Variants in NOL4L observed in about 807,000 individuals in gnomAD.
NOL4L encodes the protein nucleolar protein 4-like.
NOL4L carries 7 observed loss-of-function variants against 64.5 expected under a neutral mutation model. That is an observed-to-expected ratio of 0.11 (90% CI 0.06 to 0.20). The LOEUF (loss-of-function observed/expected upper bound fraction) is 0.20. Among genes scored for constraint, NOL4L ranks in the 10% least tolerant of loss-of-function variants. The pLI is 1.00. For missense variants in NOL4L, 680 were observed against 967.1 expected (o/e 0.70, Z 3.94); for synonymous variants, 413 against 401.0 (o/e 1.03, Z -0.36).
chr20:32,475,977 G>A (rs1334122889), intron 4 of NOL4L, among the ~76,000 whole-genome samples: 3 of 152,102 alleles, frequency 2.0e-5, no homozygotes, highest in Non-Finnish European at 4.4e-5. Context: ...ACCCTCTGCT[G>A]AATCCAGAGG....
At chr20:32,541,866 G>A (rs1260990913) in intron 1 of NOL4L, among the ~76,000 whole-genome samples, 1 of 152,238 alleles carries the variant, frequency 6.6e-6, no homozygotes, top group Non-Finnish European at 1.5e-5. Flanking sequence ...TTTTCAATGG[G>A]GGTTTTGTCC....
At chr20:32,544,358 C>T (rs987260685) in intron 1 of NOL4L, among the ~76,000 whole-genome samples, 15 of 151,532 alleles carry the variant, frequency 9.9e-5, no homozygotes, top group Admixed American at 2.0e-4. Context: ...GCCTTTGAGG[C>T]GTGGTGAGGG....
intron 3 of NOL4L, among the ~76,000 whole-genome samples, chr20:32,512,007 T>C (rs2017427473): frequency 6.6e-6 from 1 of 151,906 alleles, no homozygotes; most frequent in Non-Finnish European, 1.5e-5. Context: ...AGTGAGAATC[T>C]ATCTCTAAAA....
chr20:32,477,321 C>T (rs139715422), intron 4 of NOL4L, among the ~76,000 whole-genome samples: 63 of 152,300 alleles, frequency 4.1e-4, no homozygotes, highest in Non-Finnish European at 7.2e-4. Flanking sequence ...CCCAAGGTCA[C>T]GAGCTAACAC....
chr20:32,528,009 C>G, intron 1 of NOL4L, 96 bp from the exon 2 acceptor site: 1 of 1,153,842 alleles, frequency 8.7e-7, no homozygotes, highest in Non-Finnish European at 1.2e-6. Flanking sequence ...ACGGGCAATG[C>G]CTCCGACAGT....
Position 32,453,510 on chromosome 20 carries a change from G to A in NOL4L, c.1306-15C>T. ...CGCACAAACATCTGTGGAGACACGG[G>A]CCATGGGAAGGGCTGGCCCTGGCCT... On this transcript the variant is annotated splice_polypyrimidine_tract_variant and intron_variant, in intron 7 of 10. Coordinates refer to ENST00000621426, the MANE Select transcript of NOL4L (RefSeq NM_001256798.2). The surrounding 1 kb of genome is among the most constrained non-coding windows in gnomAD (Gnocchi z 5.6). 6.2e-7 allele frequency: 1 copy of A among 1,613,454 alleles called. No homozygotes were observed.
chr20:32,537,314 G>C (rs1285993753), intron 1 of NOL4L, among the ~76,000 whole-genome samples: 1 of 152,100 alleles, frequency 6.6e-6, no homozygotes, highest in Non-Finnish European at 1.5e-5. Flanking sequence ...AAGATACTGC[G>C]CCTCCCACCG....
chr20:32,476,656 T>A (rs1348408281), intron 4 of NOL4L, among the ~76,000 whole-genome samples: 1 of 152,250 alleles, frequency 6.6e-6, no homozygotes, highest in Admixed American at 6.5e-5. Context: ...GCACCTGCTA[T>A]GGGCCAAGCT....
At chr20:32,562,615 C>A (rs1311088197) in intron 1 of NOL4L, among the ~76,000 whole-genome samples, 2 of 152,142 alleles carry the variant, frequency 1.3e-5, no homozygotes, top group African/African-American at 4.8e-5. Flanking sequence ...CTGCTCCCTA[C>A]CCTCTGGGTA....
intron 4 of NOL4L, among the ~76,000 whole-genome samples, chr20:32,494,565 T>C (rs1375532625): frequency 6.6e-6 from 1 of 152,242 alleles, no homozygotes; most frequent in Non-Finnish European, 1.5e-5. Flanking sequence ...GCCCAGGCTG[T>C]GGCAGAGACT....
In NOL4L at chr20:32,446,001, T is replaced by TG. The variant is rs913962157; in HGVS notation, c.*1594dup. ...TGTTCTGGGAGCGAGTGGCTCTCCG[T>TG]GGCCATCCTAGGATCCACTCGGCCC... On this transcript the variant is annotated 3_prime_UTR_variant, in exon 11 of 11. Coordinates refer to ENST00000621426, the MANE Select transcript of NOL4L (RefSeq NM_001256798.2). 3 of 152,100 alleles carry TG rather than the reference T, an allele frequency of 2.0e-5. No individual in the cohort carries two copies. Among genetic ancestry groups the TG allele is most frequent in the African/African-American group, 7.2e-5 (3 of 41,414 alleles). The allele number at this position is 152,100 out of a possible 1,614,324, so 9.4% of individuals were successfully genotyped here.
At chr20:32,544,671 AG>A (rs1382886917) in intron 1 of NOL4L, among the ~76,000 whole-genome samples, 1 of 152,156 alleles carries the variant, frequency 6.6e-6, no homozygotes, top group Non-Finnish European at 1.5e-5. Context: ...CATCCTGGCC[AG>A]CTCCCAACTC....
At chr20:32,477,708 G>A (rs1217837191) in intron 4 of NOL4L, among the ~76,000 whole-genome samples, 1 of 152,222 alleles carries the variant, frequency 6.6e-6, no homozygotes, top group African/African-American at 2.4e-5. Flanking sequence ...TGGTGGGCTG[G>A]TGGCACCCTG....
At chr20:32,553,635 G>T (rs745921926) in intron 1 of NOL4L, among the ~76,000 whole-genome samples, 13 of 152,164 alleles carry the variant, frequency 8.5e-5, no homozygotes, top group Non-Finnish European at 1.6e-4. Context: ...AAACATACAG[G>T]CTCCGTGGAA....
intron 1 of NOL4L, among the ~76,000 whole-genome samples, chr20:32,556,038 G>A (rs1484986959): frequency 6.6e-6 from 1 of 152,218 alleles, no homozygotes; most frequent in Admixed American, 6.5e-5. Context: ...CATAGATGGT[G>A]ACAATCACAA....
intron 1 of NOL4L, among the ~76,000 whole-genome samples, chr20:32,570,336 C>A (rs1028941555): frequency 6.6e-6 from 1 of 152,186 alleles, no homozygotes; most frequent in South Asian, 2.1e-4. Context: ...ACATCTTAGG[C>A]GCTGCGTTGG....
chr20:32,548,594 C>T, intron 1 of NOL4L: 1 of 260,408 alleles, frequency 3.8e-6, no homozygotes, highest in South Asian at 3.4e-5. Context: ...GCTCAATATA[C>T]AGTAACCTCG....
chr20:32,487,390 G>A (rs1392399387), intron 4 of NOL4L, among the ~76,000 whole-genome samples: 1 of 151,188 alleles, frequency 6.6e-6, no homozygotes, highest in Admixed American at 6.6e-5. Flanking sequence ...GGGGTGGAAT[G>A]AGGGTGGGGG....
chr20:32,490,628 A>C (rs1317044172), intron 4 of NOL4L, among the ~76,000 whole-genome samples: 5 of 152,188 alleles, frequency 3.3e-5, no homozygotes, highest in Non-Finnish European at 5.9e-5. Flanking sequence ...GAAACAGTCC[A>C]ATACTATTTC....
Sources: allele counts gnomAD v4.1 joint callset (sites outside exome capture counted in the v4.1 genomes callset), GRCh38; gene constraint gnomAD v4.1.1; non-coding constraint Gnocchi (gnomAD v3.1); transcripts MANE v1.5; gene names NCBI Gene and HGNC (gene_info 2026-07-23, HGNC 2026-07-21).